Variants in NIPA1 observed in about 807,000 individuals in gnomAD.
NIPA1 encodes the protein magnesium transporter NIPA1.
NIPA1 carries 13 observed loss-of-function variants against 23.9 expected under a neutral mutation model. That is an observed-to-expected ratio of 0.54 (90% CI 0.35 to 0.87). NIPA1 has a LOEUF of 0.87. NIPA1 is among the 40% of genes least tolerant of loss of function. NIPA1 has a pLI of 0.01. For synonymous variants in NIPA1, 234 were observed against 202.9 expected (o/e 1.15, Z -1.30); for missense variants, 362 against 429.7 (o/e 0.84, Z 1.39).
rs533550287 is a variant in NIPA1 at position 22,825,740 on chromosome 15, A to G, written c.*1501A>G. 6.5e-6 allele frequency: 1 copy of G among 152,748 alleles called. No individual in the cohort carries two copies. The highest frequency in any genetic ancestry group is 2.1e-4 in the South Asian group (1 of 4,828). The allele number at this position is 152,748 out of a possible 1,614,324, so 9.5% of individuals were successfully genotyped here. ...TGAAAGATTTTCTAACAAAAAGCCAATAAATGTAGCCATCTCCTTGTTGTT... is the reference window on the plus strand; with the variant it reads ...TGAAAGATTTTCTAACAAAAAGCCAGTAAATGTAGCCATCTCCTTGTTGTT... On this transcript the variant is annotated 3_prime_UTR_variant, in exon 5 of 5. Coordinates refer to ENST00000337435, the MANE Select transcript of NIPA1 (RefSeq NM_144599.5).
At chr15:22,795,810 G>A (rs1186497243) in intron 1 of NIPA1, among the ~76,000 whole-genome samples, 3 of 152,190 alleles carry the variant, frequency 2.0e-5, no homozygotes, top group Non-Finnish European at 2.9e-5. Context: ...ATCCTCACAC[G>A]TGCCTGGTCA....
intron 1 of NIPA1, among the ~76,000 whole-genome samples, chr15:22,789,599 C>T (rs1894787616): frequency 1.3e-5 from 2 of 152,234 alleles, no homozygotes; most frequent in South Asian, 4.1e-4. Context: ...GGTTGAGCAC[C>T]TCCCGCCGAA....
At chr15:22,786,873 G>T in intron 1 of NIPA1, 39 bp downstream of exon 1, 1 of 851,402 alleles carries the variant, frequency 1.2e-6, no homozygotes, top group South Asian at 3.4e-5. Context: ...GGGCGGGTGG[G>T]GGAGGCGGGC....
chr15:22,815,226 A>G (rs919026404), intron 3 of NIPA1, among the ~76,000 whole-genome samples: 3 of 152,238 alleles, frequency 2.0e-5, no homozygotes, highest in Non-Finnish European at 4.4e-5. Flanking sequence ...ACAGTGATCA[A>G]TTTCGATAAA....
At chr15:22,793,630 A>C (rs1199119348) in intron 1 of NIPA1, among the ~76,000 whole-genome samples, 1 of 151,888 alleles carries the variant, frequency 6.6e-6, no homozygotes, top group Non-Finnish European at 1.5e-5. Flanking sequence ...TAGTAGAGAC[A>C]GGGTTTCACC....
chr15:22,810,313 GA>G (rs1347438683), intron 1 of NIPA1, among the ~76,000 whole-genome samples: 1 of 152,150 alleles, frequency 6.6e-6, no homozygotes, highest in Non-Finnish European at 1.5e-5. Context: ...TATAAATAAT[GA>G]AAATTGAGTG....
intron 1 of NIPA1, among the ~76,000 whole-genome samples, chr15:22,804,612 G>A (rs1486992907): frequency 6.6e-6 from 1 of 152,130 alleles, no homozygotes; most frequent in African/African-American, 2.4e-5. Context: ...CGTAAGCCAC[G>A]TTGAGTTACA....
At chr15:22,807,507 C>A (rs891108564) in intron 1 of NIPA1, among the ~76,000 whole-genome samples, 3 of 152,024 alleles carry the variant, frequency 2.0e-5, no homozygotes, top group Non-Finnish European at 4.4e-5. Context: ...ATCACTTGAA[C>A]CTGGGAGATG....
At chr15:22,811,546 G>A (rs1448973433) in intron 2 of NIPA1, among the ~76,000 whole-genome samples, 1 of 152,190 alleles carries the variant, frequency 6.6e-6, no homozygotes, top group Non-Finnish European at 1.5e-5. Context: ...GGAGGCTGCA[G>A]TGAGCCAAGA....
At chr15:22,804,780 C>T (rs998625826) in intron 1 of NIPA1, among the ~76,000 whole-genome samples, 2 of 152,052 alleles carry the variant, frequency 1.3e-5, no homozygotes, top group Admixed American at 6.6e-5. Context: ...AACTCTATTC[C>T]GTTGTGTTTG....
rs780789613 is a variant in NIPA1 at position 22,824,265 on chromosome 15, G to T, written c.*26G>T. Reference sequence around the variant, plus strand: ...ATTGCAATAGGAGCTTGGATGGTTCGAGGAATAGGCATTGGAGGTGGTTTC... The same window carrying T: ...ATTGCAATAGGAGCTTGGATGGTTCTAGGAATAGGCATTGGAGGTGGTTTC... On this transcript the variant is annotated 3_prime_UTR_variant, in exon 5 of 5. Coordinates refer to ENST00000337435, the MANE Select transcript of NIPA1 (RefSeq NM_144599.5). The surrounding 1 kb of genome is among the most constrained non-coding windows in gnomAD (Gnocchi z 4.1). 1.9e-6 allele frequency: 3 copies of T among 1,597,252 alleles called. No homozygotes were observed. Among genetic ancestry groups the T allele is most frequent in the Non-Finnish European group, 2.6e-6 (3 of 1,164,868 alleles).
At chr15:22,821,502 G>A (rs8023791) in intron 4 of NIPA1, among the ~76,000 whole-genome samples, 6 of 149,444 alleles carry the variant, frequency 4.0e-5, no homozygotes, top group African/African-American at 9.9e-5. Flanking sequence ...ATCCACACTC[G>A]CTGGTTTTCT....
rs111467634 is a variant in NIPA1, at chr15:22,802,118, G to A, written c.179-8631G>A. ...TTAAATTAAAAAAATTAAGGGTCGGGCACGGTGGCTCACGCCCGTAATCCC... is the reference window on the plus strand; with the variant it reads ...TTAAATTAAAAAAATTAAGGGTCGGACACGGTGGCTCACGCCCGTAATCCC... On this transcript the variant is annotated intron_variant, in intron 1 of 4. Coordinates refer to ENST00000337435, the MANE Select transcript of NIPA1 (RefSeq NM_144599.5). Among the ~76,000 whole-genome samples the A allele has an allele frequency of 9.6e-3, 1,458 of 152,116 alleles. 13 individuals carry two copies. The highest frequency in any genetic ancestry group is 0.014 in the Middle Eastern group (4 of 294).
chr15:22,811,711 C>T (rs944802264), intron 2 of NIPA1, among the ~76,000 whole-genome samples: 1 of 152,180 alleles, frequency 6.6e-6, no homozygotes, highest in African/African-American at 2.4e-5. Flanking sequence ...TCTTTAAGCT[C>T]CATCTGGGTG....
chr15:22,805,984 C>G (rs543485695), intron 1 of NIPA1, among the ~76,000 whole-genome samples: 2 of 152,068 alleles, frequency 1.3e-5, no homozygotes, highest in South Asian at 2.1e-4. Flanking sequence ...AGTGCAGTGG[C>G]GCGATCTCGG....
rs1019932844 is a variant in NIPA1 at position 22,826,010 on chromosome 15, T to C, written c.*1771T>C. 1 of 152,244 alleles carries C rather than the reference T, an allele frequency of 6.6e-6. No homozygotes were observed. The highest frequency in any genetic ancestry group is 2.1e-4 in the South Asian group (1 of 4,836). 9.4% of individuals were successfully genotyped at this position (152,244 alleles called of 1,614,324 possible). A position where few individuals can be genotyped will look rare whatever the true frequency, so the allele number is the denominator to read the frequency against. On this transcript the variant is annotated 3_prime_UTR_variant, in exon 5 of 5. Coordinates refer to ENST00000337435, the MANE Select transcript of NIPA1 (RefSeq NM_144599.5). The stretch of plus-strand genomic sequence containing the variant: ...ACTACGCCAAGTTGAAAGATGGGGT[T>C]GGGTAAAGTAGATTAGGTGAAGTAG...
chr15:22,795,279 A>T (rs1462909902), intron 1 of NIPA1, among the ~76,000 whole-genome samples: 1 of 152,008 alleles, frequency 6.6e-6, no homozygotes, highest in African/African-American at 2.4e-5. Flanking sequence ...TTTCCATCAG[A>T]AAAGGAGATA....
chr15:22,804,873 G>T (rs1268377229), intron 1 of NIPA1, among the ~76,000 whole-genome samples: 1 of 151,742 alleles, frequency 6.6e-6, no homozygotes, highest in Non-Finnish European at 1.5e-5. Flanking sequence ...AGTCCGCTCT[G>T]TCGCCCAGGC....
Position 22,812,168 on chromosome 15 carries a change from G to A in NIPA1, c.232G>A (p.Val78Ile), listed in dbSNP as rs903055880. 10 of 1,612,188 alleles carry A rather than the reference G, an allele frequency of 6.2e-6. No homozygotes were observed. The African/African-American group carries it at 1.1e-4, about 17-fold the overall frequency. ...CCTTGTGATTTTCTTGACAGTGGCT[G>A]TTGGCCAGATTGGAAACTTCCTGGC... ...VWWAGTIAMA[V>I]GQIGNFLAYT... The change falls in exon 3 of 5, where the codon GTT becomes ATT. Residue 78 changes from valine (V) to isoleucine (I), a missense_variant. Val to Ile is a conservative substitution (Grantham distance 29). Around this residue, in one of 2 missense-constraint regions of NIPA1, gnomAD observed 277 missense variants for 372.0 expected, o/e 0.74. Transcript: ENST00000337435.
Sources: allele counts gnomAD v4.1 joint callset (sites outside exome capture counted in the v4.1 genomes callset), GRCh38; gene constraint gnomAD v4.1.1; regional missense constraint gnomAD v4.1.1; non-coding constraint Gnocchi (gnomAD v3.1); transcripts MANE v1.5; gene names NCBI Gene and HGNC (gene_info 2026-07-23, HGNC 2026-07-21).